NEDD4: variants seen among roughly 807,000 people sequenced by gnomAD.
The protein encoded by NEDD4 is E3 ubiquitin-protein ligase NEDD4.
NEDD4 carries 99 observed loss-of-function variants against 144.9 expected under a neutral mutation model. The ratio of observed to expected loss-of-function variants is 0.68; its 90% CI spans 0.58 to 0.81. The LOEUF is 0.81. Ranked by LOEUF, NEDD4 falls within the 30% of genes least tolerant of loss-of-function variation. The pLI is 0.00. For missense variants in NEDD4, 985 were observed against 1,065.9 expected, an observed-to-expected ratio of 0.92 and a Z score of 1.06; for synonymous variants, 318 against 350.6, an observed-to-expected ratio of 0.91 and a Z score of 1.04.
At chr15:55,954,341 A>G (rs1256676496) in intron 2 of NEDD4, among the ~76,000 whole-genome samples, 6 of 152,156 alleles carry the variant, frequency 3.9e-5, no homozygotes, top group Non-Finnish European at 1.5e-5. Flanking sequence ...TTCCCTAAGT[A>G]TTGCCCCAGC....
chr15:55,839,991 AAAAAAAAAATATATATATATATATAT>A (rs1463127951), intron 21 of NEDD4, among the ~76,000 whole-genome samples: 773 of 56,776 alleles, frequency 0.014, 28 homozygotes, highest in Non-Finnish European at 0.02. Flanking sequence ...AAAAAAAAAA[AAAAAAAAAATATATATATATATATAT>A]ATATATATAT....
chr15:55,867,275 A>T (rs2034618075), intron 8 of NEDD4, among the ~76,000 whole-genome samples: 1 of 152,204 alleles, frequency 6.6e-6, no homozygotes, highest in South Asian at 2.1e-4. Flanking sequence ...ATAAGCACAG[A>T]TTCATGTGTT....
At chr15:55,964,249 G>A (rs763982088) in intron 2 of NEDD4, among the ~76,000 whole-genome samples, 2 of 152,012 alleles carry the variant, frequency 1.3e-5, no homozygotes, top group African/African-American at 2.4e-5. Context: ...TGATATCCAT[G>A]TTAGACTTTT....
At chr15:55,871,805 C>A (rs1424442228) in intron 7 of NEDD4, among the ~76,000 whole-genome samples, 2 of 152,238 alleles carry the variant, frequency 1.3e-5, no homozygotes, top group African/African-American at 2.4e-5. Context: ...TTTAGTTTGA[C>A]CTTTTTGACA....
At chr15:55,891,400 C>T (rs1396867589) in intron 5 of NEDD4, among the ~76,000 whole-genome samples, 3 of 152,128 alleles carry the variant, frequency 2.0e-5, no homozygotes, top group Admixed American at 1.3e-4. Flanking sequence ...TTTCCATTTA[C>T]AAAGGAAAAG....
intron 19 of NEDD4, 73 bp from the exon 20 acceptor site, chr15:55,840,800 C>T (rs972812785): frequency 9.6e-6 from 14 of 1,457,122 alleles, no homozygotes; most frequent in Non-Finnish European, 1.2e-5. Context: ...AATAATCTTC[C>T]TCCTTTAAGA....
chr15:55,970,576 A>T (rs1457405926), intron 1 of NEDD4, among the ~76,000 whole-genome samples: 1 of 152,206 alleles, frequency 6.6e-6, no homozygotes, highest in Non-Finnish European at 1.5e-5. Flanking sequence ...AGAGAGACAG[A>T]GAGAGGGAGA....
chr15:55,948,923 G>A (rs1265480806), intron 4 of NEDD4, among the ~76,000 whole-genome samples: 1 of 152,144 alleles, frequency 6.6e-6, no homozygotes, highest in Non-Finnish European at 1.5e-5. Context: ...AACACTAAAA[G>A]CAATGGCAAC....
At chr15:55,978,829 G>A in intron 1 of NEDD4, among the ~76,000 whole-genome samples, 1 of 150,970 alleles carries the variant, frequency 6.6e-6, no homozygotes, top group East Asian at 1.9e-4. Flanking sequence ...TATGCGGGCA[G>A]CGTCAATAAT....
At chr15:55,906,223 G>C (rs1278309219) in intron 5 of NEDD4, among the ~76,000 whole-genome samples, 4 of 152,210 alleles carry the variant, frequency 2.6e-5, no homozygotes, top group Non-Finnish European at 5.9e-5. Context: ...AGACAGTGTG[G>C]CGATTCCTCA....
intron 5 of NEDD4, among the ~76,000 whole-genome samples, chr15:55,884,169 C>T (rs1474048958): frequency 6.6e-6 from 1 of 152,122 alleles, no homozygotes; most frequent in Non-Finnish European, 1.5e-5. Flanking sequence ...CATGAGCCAC[C>T]ATGCCTGGTC....
intron 24 of NEDD4, 140 bp from the exon 25 acceptor site, chr15:55,834,426 C>T (rs1471826074): frequency 1.6e-6 from 1 of 618,198 alleles, no homozygotes; most frequent in Non-Finnish European, 2.9e-6. Context: ...TCACTGAGAT[C>T]TCAATATTGG....
At chr15:55,841,086 A>G (rs1199490659) in intron 19 of NEDD4, among the ~76,000 whole-genome samples, 2 of 152,152 alleles carry the variant, frequency 1.3e-5, no homozygotes, top group African/African-American at 4.8e-5. Flanking sequence ...GGCGCCCGCC[A>G]CCATGCCTGG....
At chr15:55,961,322 T>A (rs1407974192) in intron 2 of NEDD4, among the ~76,000 whole-genome samples, 4 of 151,156 alleles carry the variant, frequency 2.6e-5, no homozygotes, top group Non-Finnish European at 4.4e-5. Flanking sequence ...TTAGAAAAAA[T>A]TAGAAAAAAA....
At chr15:55,867,036 TA>T (rs2034609578) in intron 8 of NEDD4, among the ~76,000 whole-genome samples, 2 of 152,196 alleles carry the variant, frequency 1.3e-5, no homozygotes, top group African/African-American at 4.8e-5. Context: ...GTTAATTTTG[TA>T]AAATACATAC....
rs557592925 is a variant in NEDD4 at position 55,869,552 on chromosome 15, T to A, written c.507+27A>T. The A allele has an allele frequency of 2.8e-6, 4 of 1,422,222 alleles. No individual in the cohort carries two copies. The South Asian group carries it at 3.9e-5, about 14-fold the overall frequency. The allele number at this position is 1,422,222 out of a possible 1,614,324, so 88.1% of individuals were successfully genotyped here. On this transcript the variant is annotated intron_variant, in intron 8 of 28. Coordinates refer to ENST00000435532, the MANE Select transcript of NEDD4 (RefSeq NM_006154.4). Reference sequence around the variant, plus strand: ...AAATAAGAAATTAAAATTTTTTTAGTTTAACCAAATATTTATAAAATCTCA... The same window carrying A: ...AAATAAGAAATTAAAATTTTTTTAGATTAACCAAATATTTATAAAATCTCA...
intron 4 of NEDD4, among the ~76,000 whole-genome samples, chr15:55,930,624 G>A (rs2036760987): frequency 6.6e-6 from 1 of 152,188 alleles, no homozygotes; most frequent in Admixed American, 6.5e-5. Flanking sequence ...TGGTTTGACT[G>A]TGTCCCTACC....
chr15:55,919,322 G>A lies in NEDD4; in HGVS notation c.291+5324C>T, dbSNP rs939938182. On this transcript the variant is annotated intron_variant, in intron 5 of 28. Transcript: ENST00000435532. ...TGTTGTTGTTGAAGTTGATCCAGCC[G>A]CCACTTTTAAAGAAATATCAAAAAG... is the stretch of plus-strand genomic sequence containing the variant. Among the ~76,000 whole-genome samples the A allele has an allele frequency of 5.9e-5, 9 of 152,192 alleles. No homozygotes were observed. The East Asian group carries it at 1.2e-3, about 20-fold the overall frequency.
chr15:55,848,433 G>C lies in NEDD4; in HGVS notation c.1484-3C>G, dbSNP rs2033840105. ...TTCCCATTGTGTTCTTTTTATATCT[G>C]AAGGGAAGAAAAAGAAAAAAGATGT... On this transcript the variant is annotated splice_polypyrimidine_tract_variant and splice_region_variant and intron_variant, in intron 16 of 28. Transcript: ENST00000435532. The C allele has an allele frequency of 6.2e-7, 1 of 1,613,634 alleles. No individual in the cohort carries two copies. The highest frequency in any genetic ancestry group is 1.3e-5 in the African/African-American group (1 of 74,858).
Sources: allele counts gnomAD v4.1 joint callset (sites outside exome capture counted in the v4.1 genomes callset), GRCh38; gene constraint gnomAD v4.1.1; transcripts MANE v1.5; gene names NCBI Gene and HGNC (gene_info 2026-07-23, HGNC 2026-07-21).